Variants in CCDC167 observed in about 807,000 individuals in gnomAD.
The protein encoded by CCDC167 is coiled-coil domain-containing protein 167.
In CCDC167, 15 loss-of-function variants were observed where a neutral mutation model predicts 12.7. The observed-to-expected ratio is 1.18, with a 90% CI of 0.79 to 1.81. The LOEUF is 1.81. CCDC167 is among the 40% of genes most tolerant of loss of function. CCDC167 has a pLI of 0.00. For synonymous variants in CCDC167, 52 were observed against 49.0 expected (o/e 1.06, Z -0.26); for missense variants, 121 against 120.1 (o/e 1.01, Z -0.03).
intron 1 of CCDC167, among the ~76,000 whole-genome samples, chr6:37,499,248 C>T (rs149064375): frequency 1.8e-4 from 27 of 152,310 alleles, no homozygotes; most frequent in African/African-American, 6.5e-4. Flanking sequence ...CTTCTATATG[C>T]AGCAAATTAT....
At chr6:37,484,774 G>C in intron 3 of CCDC167, 36 bp downstream of exon 3, 1 of 1,613,562 alleles carries the variant, frequency 6.2e-7, no homozygotes, top group South Asian at 1.1e-5. Flanking sequence ...CTGGGGACTG[G>C]AGGCTGGGGC....
chr6:37,491,551 T>A (rs1457007360), intron 1 of CCDC167, among the ~76,000 whole-genome samples: 3 of 152,194 alleles, frequency 2.0e-5, no homozygotes, highest in Non-Finnish European at 4.4e-5. Context: ...ACACTGCACC[T>A]GGCTGGACAG....
At position 37,494,827 on chromosome 6, in the gene CCDC167, G is replaced by A. The variant is rs1275778777; in HGVS notation, c.42+4995C>T. 2.3e-4 allele frequency among the ~76,000 whole-genome samples: 3 copies of A among 13,168 alleles called. No individual in the cohort carries two copies. In the South Asian group the frequency reaches 3.1e-3, roughly 13 times the overall value. 8.6% of individuals were successfully genotyped at this position (13,168 alleles called of 152,430 possible). ...CAAATTTTTTTTTTTTTTTTGAGAC[G>A]GGGTCTCTGTTGCCCAGACTGGAGT... On this transcript the variant is annotated intron_variant, in intron 1 of 3. Coordinates refer to ENST00000373408, the MANE Select transcript of CCDC167 (RefSeq NM_138493.3).
intron 1 of CCDC167, among the ~76,000 whole-genome samples, chr6:37,494,690 ACTGGAG>A (rs1165908683): frequency 6.6e-6 from 1 of 152,076 alleles, no homozygotes; most frequent in African/African-American, 2.4e-5. Context: ...TGAATATTAG[ACTGGAG>A]CTGTGGCAGC....
At chr6:37,494,855 A>C in intron 1 of CCDC167, among the ~76,000 whole-genome samples, 1 of 131,460 alleles carries the variant, frequency 7.6e-6, no homozygotes, top group East Asian at 2.1e-4. Flanking sequence ...ACTGGAGTGC[A>C]GTGGCACGAT....
chr6:37,484,345 C>T (rs924761934), intron 3 of CCDC167, among the ~76,000 whole-genome samples: 13 of 152,248 alleles, frequency 8.5e-5, no homozygotes, highest in African/African-American at 3.1e-4. Context: ...CTGGCCTCTA[C>T]CTGCCTCTGC....
At chr6:37,483,409 C>T in intron 3 of CCDC167, 120 bp from the exon 4 acceptor site, 1 of 671,862 alleles carries the variant, frequency 1.5e-6, no homozygotes, top group Non-Finnish European at 2.7e-6. Context: ...CCAGCCACCT[C>T]CTTACCCATA....
At chr6:37,494,076 TTTTTTTG>T (rs1762066088) in intron 1 of CCDC167, among the ~76,000 whole-genome samples, 1 of 128,226 alleles carries the variant, frequency 7.8e-6, no homozygotes, top group Non-Finnish European at 1.8e-5. Context: ...TTTTTTTTTT[TTTTTTTG>T]AGACGAAGTT....
intron 3 of CCDC167, among the ~76,000 whole-genome samples, chr6:37,484,523 G>A (rs962401764): frequency 3.3e-5 from 5 of 152,196 alleles, no homozygotes; most frequent in African/African-American, 1.2e-4. Flanking sequence ...GCAGACTTCC[G>A]ATGTCTAGGT....
intron 1 of CCDC167, among the ~76,000 whole-genome samples, chr6:37,490,018 A>G (rs191152546): frequency 7.7e-4 from 118 of 152,356 alleles, no homozygotes; most frequent in African/African-American, 1.1e-3. Context: ...ACCAAGGTCA[A>G]TTTTTACATG....
At chr6:37,483,366 G>A in intron 3 of CCDC167, 77 bp from the exon 4 acceptor site, 1 of 938,030 alleles carries the variant, frequency 1.1e-6, no homozygotes, top group Admixed American at 1.8e-5. Context: ...CCAACGAGTG[G>A]GTACACACTG....
chr6:37,495,640 G>C (rs1233850737), intron 1 of CCDC167, among the ~76,000 whole-genome samples: 1 of 152,190 alleles, frequency 6.6e-6, no homozygotes, highest in Non-Finnish European at 1.5e-5. Flanking sequence ...GGGGAGGCTA[G>C]AGGGTGCCCT....
chr6:37,498,733 G>A (rs1448719485), intron 1 of CCDC167, among the ~76,000 whole-genome samples: 2 of 152,002 alleles, frequency 1.3e-5, no homozygotes, highest in Admixed American at 6.6e-5. Flanking sequence ...GCTGAGGCAC[G>A]AGAATCGCTT....
chr6:37,495,563 C>CA (rs1410684097), intron 1 of CCDC167, among the ~76,000 whole-genome samples: 1 of 152,016 alleles, frequency 6.6e-6, no homozygotes, highest in African/African-American at 2.4e-5. Context: ...CAGTTTTTTC[C>CA]AACTCTGAGA....
chr6:37,488,978 C>T (rs1761980229), intron 1 of CCDC167, among the ~76,000 whole-genome samples: 2 of 151,480 alleles, frequency 1.3e-5, no homozygotes, highest in Admixed American at 1.3e-4. Flanking sequence ...TGGCTCACGC[C>T]TGTAATTCCA....
In CCDC167 at chr6:37,485,300, C is replaced by G. The variant is rs537588863; in HGVS notation, c.43-106G>C. ...GAGTCTTCTTGGACAGGTGTTCCCC[C>G]CATTCGTTTTGGCAGGGCAGGGCAC... On this transcript the variant is annotated intron_variant, in intron 1 of 3. Coordinates refer to ENST00000373408, the MANE Select transcript of CCDC167 (RefSeq NM_138493.3). The G allele has an allele frequency of 4.7e-6, 4 of 857,108 alleles. No individual in the cohort carries two copies. The Admixed American group carries it at 8.6e-5, about 18-fold the overall frequency. The allele number at this position is 857,108 out of a possible 1,614,324, so 53.1% of individuals were successfully genotyped here. A position where few individuals can be genotyped will look rare whatever the true frequency, so the allele number is the denominator to read the frequency against.
chr6:37,493,334 A>AT (rs1326027301), intron 1 of CCDC167, among the ~76,000 whole-genome samples: 1 of 152,132 alleles, frequency 6.6e-6, no homozygotes, highest in Non-Finnish European at 1.5e-5. Flanking sequence ...CCCGATATCT[A>AT]TTTTTTGATA....
Position 37,490,341 on chromosome 6 carries a change from T to G in CCDC167, c.43-5147A>C, listed in dbSNP as rs555250930. Among the ~76,000 whole-genome samples the G allele has an allele frequency of 2.0e-5, 3 of 151,872 alleles. No homozygotes were observed. The East Asian group carries it at 5.8e-4, about 29-fold the overall frequency. On this transcript the variant is annotated intron_variant, in intron 1 of 3. Transcript: ENST00000373408. The stretch of plus-strand genomic sequence containing the variant: ...TGGGGGGATGGCTGGGGAGTCTGCC[T>G]AGGCAGGGGAGACACAGAGCACAAA...
At chr6:37,484,168 G>C (rs897981122) in intron 3 of CCDC167, among the ~76,000 whole-genome samples, 1 of 152,208 alleles carries the variant, frequency 6.6e-6, no homozygotes, top group Non-Finnish European at 1.5e-5. Context: ...GCTTCTGGGG[G>C]ACTCCTTGCC....
Sources: allele counts gnomAD v4.1 joint callset (sites outside exome capture counted in the v4.1 genomes callset), GRCh38; gene constraint gnomAD v4.1.1; transcripts MANE v1.5; gene names NCBI Gene and HGNC (gene_info 2026-07-23, HGNC 2026-07-21).